ANK1: variants seen among roughly 807,000 people sequenced by gnomAD.
ANK1 encodes ankyrin-1.
In ANK1, 51 loss-of-function variants were observed where a neutral mutation model predicts 210.4. That is an observed-to-expected ratio of 0.24 (90% confidence interval 0.19 to 0.31). The LOEUF is 0.31. Ranked by LOEUF, ANK1 falls within the 10% of genes least tolerant of loss-of-function variation. ANK1 has a pLI of 1.00. For missense variants in ANK1, 2,051 were observed against 2,504.4 expected, an observed-to-expected ratio of 0.82 and a Z score of 3.86; for synonymous variants, 967 against 1,025.9, an observed-to-expected ratio of 0.94 and a Z score of 1.10.
At chr8:41,882,735 G>C (rs1333259133) in intron 1 of ANK1, among the ~76,000 whole-genome samples, 1 of 152,220 alleles carries the variant, frequency 6.6e-6, no homozygotes, top group African/African-American at 2.4e-5. Context: ...CAGTGCTCTG[G>C]GCTGTGGGAT....
intron 39 of ANK1, among the ~76,000 whole-genome samples, chr8:41,667,521 G>C (rs935858897): frequency 1.2e-4 from 19 of 152,294 alleles, no homozygotes; most frequent in Admixed American, 7.8e-4. Flanking sequence ...GGGAGAAAGT[G>C]GGGGGTGCAG....
chr8:41,663,508 G>A (rs1809280427), intron 40 of ANK1, 151 bp downstream of exon 40: 4 of 754,272 alleles, frequency 5.3e-6, no homozygotes, highest in African/African-American at 3.5e-5. Context: ...CCAGCTCCTG[G>A]GCCCTCCATC....
At chr8:41,703,566 C>T (rs1823669596) in intron 20 of ANK1, among the ~76,000 whole-genome samples, 1 of 150,390 alleles carries the variant, frequency 6.6e-6, no homozygotes. Context: ...TCACTGCAGC[C>T]TTGACCTCCC....
chr8:41,872,190 G>A (rs565776596), intron 1 of ANK1, among the ~76,000 whole-genome samples: 2 of 152,308 alleles, frequency 1.3e-5, no homozygotes, highest in East Asian at 3.9e-4. Context: ...GTGCAGAGGA[G>A]AGGAGCCGAC....
At chr8:41,767,357 G>A (rs545827819) in intron 1 of ANK1, among the ~76,000 whole-genome samples, 2 of 151,308 alleles carry the variant, frequency 1.3e-5, no homozygotes, top group Non-Finnish European at 2.9e-5. Flanking sequence ...GGTCTGGCCC[G>A]GACCTGCCCT....
At chr8:41,874,528 A>G (rs1360246140) in intron 1 of ANK1, among the ~76,000 whole-genome samples, 1 of 152,150 alleles carries the variant, frequency 6.6e-6, no homozygotes, top group Non-Finnish European at 1.5e-5. Flanking sequence ...AATGACAGGT[A>G]AGCATCCACT....
intron 38 of ANK1, among the ~76,000 whole-genome samples, chr8:41,670,436 A>G (rs1413769822): frequency 1.3e-5 from 2 of 152,144 alleles, no homozygotes; most frequent in Non-Finnish European, 2.9e-5. Context: ...AGGGGCCAGC[A>G]TGCAGCCCCT....
chr8:41,858,440 C>G (rs1013822315), intron 1 of ANK1, among the ~76,000 whole-genome samples: 4 of 152,152 alleles, frequency 2.6e-5, no homozygotes, highest in Middle Eastern at 3.2e-3. Context: ...GAGCAATTCT[C>G]GCTACATGGG....
chr8:41,743,616 T>C (rs553752185), intron 2 of ANK1, among the ~76,000 whole-genome samples: 136 of 152,182 alleles, frequency 8.9e-4, no homozygotes, highest in African/African-American at 3.0e-3. Flanking sequence ...AGAGGACAGC[T>C]AATGGAGTGG....
intron 1 of ANK1, among the ~76,000 whole-genome samples, chr8:41,793,263 C>T (rs906609472): frequency 1.3e-5 from 2 of 152,094 alleles, no homozygotes; most frequent in East Asian, 3.9e-4. Context: ...ACCTGCAGTC[C>T]CAGCTAATCT....
intron 20 of ANK1, among the ~76,000 whole-genome samples, chr8:41,703,739 C>T (rs1394174771): frequency 6.6e-6 from 1 of 151,982 alleles, no homozygotes; most frequent in Non-Finnish European, 1.5e-5. Flanking sequence ...AATCCTCCCA[C>T]CTTAGCCTCC....
intron 10 of ANK1, 64 bp from the exon 11 acceptor site, chr8:41,718,268 G>C (rs1262682695): frequency 2.7e-5 from 42 of 1,528,846 alleles, no homozygotes; most frequent in Non-Finnish European, 3.7e-5. Context: ...GGAACGCCCA[G>C]AAGACCACCT....
At chr8:41,842,122 A>G (rs1025738896) in intron 1 of ANK1, among the ~76,000 whole-genome samples, 9 of 152,162 alleles carry the variant, frequency 5.9e-5, no homozygotes, top group Admixed American at 3.9e-4. Flanking sequence ...GGGAGGCAGC[A>G]CCCCAGGAGG....
At chr8:41,866,460 C>A (rs1199403104) in intron 1 of ANK1, among the ~76,000 whole-genome samples, 1 of 152,222 alleles carries the variant, frequency 6.6e-6, no homozygotes, top group East Asian at 1.9e-4. Context: ...TCCCAAAGTG[C>A]TGAGATGACA....
chr8:41,668,284 A>AGGT lies in ANK1; in HGVS notation c.5374_5376dup (p.Thr1792dup). 1 of 1,614,192 alleles carries AGGT rather than the reference A, an allele frequency of 6.2e-7. No homozygotes were observed. The highest frequency in any genetic ancestry group is 8.5e-7 in the Non-Finnish European group (1 of 1,180,018). ...GCTCTCACCTGCACCACTTGGGTGA[A>AGGT]GGTGTTCTTGGCCTCCTGCACCTGC... On this transcript the variant is annotated inframe_insertion, in exon 39 of 43. Coordinates refer to ENST00000289734, the MANE Select transcript of ANK1 (RefSeq NM_000037.4).
At chr8:41,850,906 G>A (rs1020506907) in intron 1 of ANK1, among the ~76,000 whole-genome samples, 5 of 152,358 alleles carry the variant, frequency 3.3e-5, no homozygotes, top group Non-Finnish European at 4.4e-5. Flanking sequence ...CAAAGCTCAC[G>A]TGCATGTCAT....
At chr8:41,827,694 ACACACAC>A (rs1805637124) in intron 1 of ANK1, among the ~76,000 whole-genome samples, 1 of 14,932 alleles carries the variant, frequency 6.7e-5, no homozygotes, top group East Asian at 3.9e-4. Flanking sequence ...ATACACACTC[ACACACAC>A]TCACACGCAC....
chr8:41,705,321 T>C (rs1824265154), intron 18 of ANK1, among the ~76,000 whole-genome samples: 2 of 152,214 alleles, frequency 1.3e-5, no homozygotes, highest in Non-Finnish European at 2.9e-5. Context: ...GGTCTCTCTG[T>C]GCAGGACCCC....
chr8:41,761,053 A>G (rs1035000504), intron 1 of ANK1, among the ~76,000 whole-genome samples: 1 of 152,124 alleles, frequency 6.6e-6, no homozygotes, highest in African/African-American at 2.4e-5. Context: ...ATCATCCTAG[A>G]TTACCTAGGC....
Sources: gnomAD v4.1 joint callset for allele counts (sites outside exome capture counted in the v4.1 genomes callset) on GRCh38, gnomAD v4.1.1 for gene constraint, MANE v1.5 for transcripts, NCBI Gene and HGNC (gene_info 2026-07-23, HGNC 2026-07-21) for gene names.